The following LDLRAD4 variants were observed in gnomAD, a reference collection of about 807,000 sequenced individuals.
LDLRAD4 encodes the protein low density lipoprotein receptor class A domain containing 4, also known as low-density lipoprotein receptor class A domain-containing protein 4.
In LDLRAD4, 5 loss-of-function variants were observed where a neutral mutation model predicts 17.0. The ratio of observed to expected loss-of-function variants is 0.29; its 90% CI spans 0.15 to 0.62. The LOEUF (loss-of-function observed/expected upper bound fraction) is 0.62. Among genes scored for constraint, LDLRAD4 ranks in the 20% least tolerant of loss-of-function variants. The pLI is 0.84. For synonymous variants in LDLRAD4, 168 were observed against 171.8 expected, an observed-to-expected ratio of 0.98 and a Z score of 0.17; for missense variants, 340 against 424.7, an observed-to-expected ratio of 0.80 and a Z score of 1.75.
intron 2 of LDLRAD4, chr18:13,421,073 C>A (rs1168006776): frequency 1.3e-5 from 2 of 152,286 alleles, no homozygotes; most frequent in African/African-American, 4.8e-5. Flanking sequence ...GGGAGAACAT[C>A]CTTCCGCGCT....
At chr18:13,252,495 C>T (rs1293977574) in intron 1 of LDLRAD4, among the ~76,000 whole-genome samples, 1 of 152,218 alleles carries the variant, frequency 6.6e-6, no homozygotes, top group Non-Finnish European at 1.5e-5. Context: ...CAGGGTGGGC[C>T]ACAGCCCCAT....
chr18:13,431,526 A>G (rs1190572029), intron 2 of LDLRAD4, among the ~76,000 whole-genome samples: 2 of 152,154 alleles, frequency 1.3e-5, no homozygotes, highest in East Asian at 1.9e-4. Flanking sequence ...CTGAAGGGTA[A>G]TTGCAGGTCT....
At chr18:13,596,067 A>G (rs557229785) in intron 3 of LDLRAD4, among the ~76,000 whole-genome samples, 5 of 152,154 alleles carry the variant, frequency 3.3e-5, no homozygotes, top group Non-Finnish European at 7.4e-5. Context: ...GGATGTATAT[A>G]TGTGTGTAAC....
intron 3 of LDLRAD4, among the ~76,000 whole-genome samples, chr18:13,531,981 A>G (rs143933389): frequency 6.6e-6 from 1 of 152,244 alleles, no homozygotes; most frequent in African/African-American, 2.4e-5. Context: ...TGATTTTCAC[A>G]CTGACCCCCC....
intron 3 of LDLRAD4, among the ~76,000 whole-genome samples, chr18:13,620,525 C>G (rs989419803): frequency 1.3e-5 from 2 of 152,214 alleles, no homozygotes; most frequent in Non-Finnish European, 2.9e-5. Flanking sequence ...TTCCAGCTGC[C>G]GGCCCAATGT....
chr18:13,245,882 A>G (rs2042930862), intron 1 of LDLRAD4, among the ~76,000 whole-genome samples: 1 of 152,138 alleles, frequency 6.6e-6, no homozygotes, highest in Admixed American at 6.5e-5. Context: ...GGTGGAGACT[A>G]AGGGGAACAG....
chr18:13,308,261 G>C (rs530920777), intron 1 of LDLRAD4, among the ~76,000 whole-genome samples: 1 of 152,070 alleles, frequency 6.6e-6, no homozygotes, highest in African/African-American at 2.4e-5. Context: ...ACAGCCATCT[G>C]GTGTCCCATT....
At chr18:13,600,995 A>G (rs1482533264) in intron 3 of LDLRAD4, among the ~76,000 whole-genome samples, 4 of 152,186 alleles carry the variant, frequency 2.6e-5, no homozygotes, top group African/African-American at 9.7e-5. Flanking sequence ...GTTTCTCCTT[A>G]TCTGCATAAA....
At chr18:13,437,947 G>A (rs1280923059) in intron 2 of LDLRAD4, among the ~76,000 whole-genome samples, 1 of 152,246 alleles carries the variant, frequency 6.6e-6, no homozygotes, top group Admixed American at 6.5e-5. Flanking sequence ...AGAGCAGGTT[G>A]TGGAAAGAAA....
intron 2 of LDLRAD4, among the ~76,000 whole-genome samples, chr18:13,396,227 A>G (rs189672008): frequency 5.1e-4 from 77 of 152,292 alleles, no homozygotes; most frequent in African/African-American, 1.6e-3. Flanking sequence ...TCCTGGTTCA[A>G]GATTTCCTAG....
intron 2 of LDLRAD4, among the ~76,000 whole-genome samples, chr18:13,422,730 A>G (rs2089603265): frequency 6.6e-6 from 1 of 152,168 alleles, no homozygotes; most frequent in Non-Finnish European, 1.5e-5. Context: ...CCATCACCAA[A>G]TTTAAAACTA....
intron 1 of LDLRAD4, among the ~76,000 whole-genome samples, chr18:13,285,822 C>G (rs553370769): frequency 7.2e-5 from 11 of 152,220 alleles, no homozygotes; most frequent in Admixed American, 1.3e-4. Context: ...TCACAGCACA[C>G]TGTTAACTTT....
chr18:13,382,864 T>C (rs1241865534), intron 1 of LDLRAD4: 4 of 152,334 alleles, frequency 2.6e-5, no homozygotes, highest in Admixed American at 2.6e-4. Flanking sequence ...TCAGTCCTGC[T>C]CTCCTGCTGC....
At chr18:13,301,079 C>T (rs1269820107) in intron 1 of LDLRAD4, among the ~76,000 whole-genome samples, 2 of 142,462 alleles carry the variant, frequency 1.4e-5, no homozygotes, top group African/African-American at 2.6e-5. Flanking sequence ...CCGGGGTGTC[C>T]GTGGTTGGGG....
intron 3 of LDLRAD4, among the ~76,000 whole-genome samples, chr18:13,459,092 G>A (rs557013129): frequency 2.7e-5 from 4 of 148,210 alleles, no homozygotes; most frequent in African/African-American, 7.5e-5. Context: ...GGCCGAGGTG[G>A]GAGAATCATT....
At chr18:13,516,140 A>T (rs1055836360) in intron 3 of LDLRAD4, 1 of 152,176 alleles carries the variant, frequency 6.6e-6, no homozygotes, top group Non-Finnish European at 1.5e-5. Flanking sequence ...TGGTTCCTAA[A>T]AGTGTCCATG....
At chr18:13,589,898 G>A (rs2094988283) in intron 3 of LDLRAD4, among the ~76,000 whole-genome samples, 1 of 152,146 alleles carries the variant, frequency 6.6e-6, no homozygotes, top group South Asian at 2.1e-4. Flanking sequence ...GGGGTGCTGG[G>A]CCTGCCCTGC....
chr18:13,528,280 CCT>C (rs1187147139), intron 3 of LDLRAD4, among the ~76,000 whole-genome samples: 1 of 152,186 alleles, frequency 6.6e-6, no homozygotes, highest in Admixed American at 6.5e-5. Context: ...CCTGCGTTAC[CCT>C]GTTAGTCCTC....
intron 1 of LDLRAD4, among the ~76,000 whole-genome samples, chr18:13,329,735 A>G (rs536742213): frequency 6.6e-6 from 1 of 152,336 alleles, no homozygotes; most frequent in Non-Finnish European, 1.5e-5. Flanking sequence ...AAATGTTACC[A>G]ATTCCAATAT....
Sources: allele counts gnomAD v4.1 joint callset (sites outside exome capture counted in the v4.1 genomes callset), GRCh38; gene constraint gnomAD v4.1.1; transcripts MANE v1.5; gene names NCBI Gene and HGNC (gene_info 2026-07-23, HGNC 2026-07-21).